Variants in SUMF1 observed in about 807,000 individuals in gnomAD.
SUMF1 encodes formylglycine-generating enzyme.
A neutral mutation model predicts 47.6 loss-of-function variants in SUMF1; 48 were observed. That is an observed-to-expected ratio of 1.01 (90% CI 0.80 to 1.28). The LOEUF is 1.28. Ranked by LOEUF, SUMF1 falls within the 50% of genes most tolerant of loss-of-function variation. SUMF1 has a pLI of 0.00. For synonymous variants in SUMF1, 230 were observed against 192.1 expected (o/e 1.20, Z -1.63); for missense variants, 571 against 485.4 (o/e 1.18, Z -1.66).
chr3:4,422,955 C>A (rs1301652000), intron 3 of SUMF1, among the ~76,000 whole-genome samples: 1 of 152,118 alleles, frequency 6.6e-6, no homozygotes. Context: ...TCCCCTGAGT[C>A]CCCAAAGTCC....
rs698209 is a variant in SUMF1, at chr3:4,418,288, A to G, written c.603-156T>C. ...AAACCCCAGCCATGCTACATCTGTC[A>G]TGCTCCACCAACGGTTTCTGACAAC... On this transcript the variant is annotated intron_variant, in intron 4 of 8. Transcript: ENST00000272902. Among the ~76,000 whole-genome samples, 139,668 of 152,282 alleles carry G rather than the reference A, an allele frequency of 0.92. 64,763 individuals carry two copies. Among genetic ancestry groups the G allele is most frequent in the East Asian group, 0.98 (5,097 of 5,180 alleles).
intron 9 of SUMF1, among the ~76,000 whole-genome samples, chr3:4,053,249 C>T (rs1351446308): frequency 6.6e-6 from 1 of 152,056 alleles, no homozygotes; most frequent in African/African-American, 2.4e-5. Flanking sequence ...CCAGAACACA[C>T]ACAAGATTTA....
At chr3:4,216,633 A>G (rs559677123) in intron 8 of SUMF1, among the ~76,000 whole-genome samples, 60 of 152,314 alleles carry the variant, frequency 3.9e-4, no homozygotes, top group African/African-American at 1.4e-3. Flanking sequence ...AAAAGGGCCA[A>G]TATCCAGAAT....
At chr3:4,229,406 G>T (rs577590393) in intron 8 of SUMF1, 1 of 352,882 alleles carries the variant, frequency 2.8e-6, no homozygotes, top group African/African-American at 2.2e-5. Flanking sequence ...GCATGTCTTA[G>T]CCATGTCATT....
intron 8 of SUMF1, among the ~76,000 whole-genome samples, chr3:4,337,929 C>G (rs368315988): frequency 6.6e-6 from 1 of 152,120 alleles, no homozygotes; most frequent in South Asian, 2.1e-4. Context: ...CAATCATAGA[C>G]ATCCTCAACT....
chr3:4,358,730 G>C (rs1472574719), downstream of SUMF1, among the ~76,000 whole-genome samples: 1 of 152,196 alleles, frequency 6.6e-6, no homozygotes, highest in Non-Finnish European at 1.5e-5. Context: ...TGACAGTGCA[G>C]ATAAAGATGC....
intron 8 of SUMF1, among the ~76,000 whole-genome samples, chr3:4,155,282 G>A (rs980011562): frequency 1.3e-5 from 2 of 151,386 alleles, no homozygotes; most frequent in African/African-American, 4.9e-5. Flanking sequence ...AGGTATGGTA[G>A]ATATTTGCTG....
intron 8 of SUMF1, among the ~76,000 whole-genome samples, chr3:4,128,557 C>T (rs984904665): frequency 6.6e-6 from 1 of 152,168 alleles, no homozygotes; most frequent in Non-Finnish European, 1.5e-5. Context: ...AATGTACATT[C>T]TCCTCAGGAG....
At chr3:4,456,834 G>GTA (rs1383991226) in intron 1 of SUMF1, among the ~76,000 whole-genome samples, 2 of 147,218 alleles carry the variant, frequency 1.4e-5, no homozygotes, top group Non-Finnish European at 1.5e-5. Flanking sequence ...ATATATACGT[G>GTA]TATATATATA....
rs556107352 is a variant in SUMF1, at chr3:4,071,805, A to G, written c.1015-3060T>C. Among the ~76,000 whole-genome samples, 18 of 152,298 alleles carry G rather than the reference A, an allele frequency of 1.2e-4. No individual in the cohort carries two copies. In the East Asian group the frequency reaches 3.3e-3, roughly 28 times the overall value. ...AGGCAGCAGCCTCTGTCAGGGACTTAGAGAAAAACCCCTCATCTCCCTGGG... is the reference window on the plus strand; with the variant it reads ...AGGCAGCAGCCTCTGTCAGGGACTTGGAGAAAAACCCCTCATCTCCCTGGG... On this transcript the variant is annotated intron_variant and NMD_transcript_variant, in intron 8 of 12. Coordinates refer to the SUMF1 transcript ENST00000448413.
At chr3:4,227,080 C>A (rs1053567293) in intron 8 of SUMF1, among the ~76,000 whole-genome samples, 1 of 152,204 alleles carries the variant, frequency 6.6e-6, no homozygotes, top group East Asian at 1.9e-4. Flanking sequence ...CAACCCCTGC[C>A]CCATTCTAGC....
intron 8 of SUMF1, among the ~76,000 whole-genome samples, chr3:4,335,980 A>AAAAAC: frequency 6.7e-6 from 1 of 148,196 alleles, no homozygotes; most frequent in African/African-American, 2.5e-5. Flanking sequence ...AAAAAAAAAA[A>AAAAAC]CAGAAAAAAC....
chr3:4,444,020 C>T (rs1176305836), intron 3 of SUMF1, among the ~76,000 whole-genome samples: 1 of 152,050 alleles, frequency 6.6e-6, no homozygotes, highest in African/African-American at 2.4e-5. Context: ...AACACACAGT[C>T]TAGTGAAATC....
chr3:4,274,553 T>C (rs1027949872), intron 8 of SUMF1, among the ~76,000 whole-genome samples: 2 of 152,166 alleles, frequency 1.3e-5, no homozygotes, highest in Non-Finnish European at 2.9e-5. Flanking sequence ...TAAGACTATA[T>C]AAACAAGATA....
chr3:4,273,081 A>AATATATATACACACATATATATATAC (rs1697334825), intron 8 of SUMF1, among the ~76,000 whole-genome samples: 1 of 149,556 alleles, frequency 6.7e-6, no homozygotes, highest in African/African-American at 2.4e-5. Flanking sequence ...CATATATATA[A>AATATATATACACACATATATATATAC]ATATATATAC....
At chr3:4,247,105 T>C (rs895295765) in intron 8 of SUMF1, among the ~76,000 whole-genome samples, 1 of 152,196 alleles carries the variant, frequency 6.6e-6, no homozygotes, top group Admixed American at 6.5e-5. Context: ...TAAAACACTA[T>C]GGCAATACAA....
In SUMF1 at chr3:4,177,585, C is replaced by A. The variant is rs140396612; in HGVS notation, c.1015-108840G>T. The stretch of plus-strand genomic sequence containing the variant: ...AGCACTAAATGCCCACAAGAGAAAG[C>A]AGGAAAGATCTAAAATCAACACCCT... On this transcript the variant is annotated intron_variant and NMD_transcript_variant, in intron 8 of 12. Transcript: ENST00000448413. 3.0e-3 allele frequency among the ~76,000 whole-genome samples: 450 copies of A among 152,230 alleles called. 4 individuals carry two copies. The highest frequency in any genetic ancestry group is 0.01 in the African/African-American group (431 of 41,548).
intron 8 of SUMF1, among the ~76,000 whole-genome samples, chr3:4,292,358 A>G (rs1487167573): frequency 6.6e-6 from 1 of 152,238 alleles, no homozygotes; most frequent in African/African-American, 2.4e-5. Flanking sequence ...GTGTTGGTCT[A>G]CACAATACCC....
chr3:4,217,797 G>A (rs994972898), intron 8 of SUMF1, among the ~76,000 whole-genome samples: 2 of 150,490 alleles, frequency 1.3e-5, no homozygotes, highest in Non-Finnish European at 3.0e-5. Context: ...ATATCCACAG[G>A]AACTGCAACT....
Sources: gnomAD v4.1 joint callset for allele counts (sites outside exome capture counted in the v4.1 genomes callset) on GRCh38, gnomAD v4.1.1 for gene constraint, MANE v1.5 for transcripts, NCBI Gene and HGNC (gene_info 2026-07-23, HGNC 2026-07-21) for gene names.